Variants in PNOC observed in about 807,000 individuals in gnomAD.
PNOC encodes the protein nociceptin.
Under a neutral mutation model 15.6 loss-of-function variants are expected in PNOC, and 10 were observed. The ratio of observed to expected loss-of-function variants is 0.64; its 90% confidence interval spans 0.40 to 1.09. PNOC has a LOEUF of 1.09. PNOC is among the 50% of genes least tolerant of loss of function. The pLI, the probability that PNOC is intolerant of heterozygous loss-of-function variation, is 0.01. For synonymous variants in PNOC, 98 were observed against 88.5 expected (o/e 1.11, Z -0.60); for missense variants, 220 against 223.9 (o/e 0.98, Z 0.11).
At position 28,330,391 on chromosome 8, in the gene PNOC, A is replaced by ATTTTTTTTTTT. The variant is rs200641227; in HGVS notation, c.126+1112_126+1113insTTTTTTTTTTT. On this transcript the variant is annotated intron_variant, in intron 2 of 3. Transcript: ENST00000301908. The stretch of plus-strand genomic sequence containing the variant: ...ATTTTATTTTATTTTATTTTATTTT[A>ATTTTTTTTTTT]TTTTATTTTTTTTTTTTTTTTGAGA... Among the ~76,000 whole-genome samples, 50 of 76,098 alleles carry ATTTTTTTTTTT rather than the reference A, an allele frequency of 6.6e-4. 1 individual carries two copies. The highest frequency in any genetic ancestry group is 1.0e-3 in the Non-Finnish European group (36 of 34,522). The allele number at this position is 76,098 out of a possible 152,430, so 49.9% of individuals were successfully genotyped here.
intron 1 of PNOC, among the ~76,000 whole-genome samples, chr8:28,321,960 C>T (rs1407462003): frequency 1.3e-5 from 2 of 152,196 alleles, no homozygotes; most frequent in African/African-American, 4.8e-5. Context: ...CAAGCATAAG[C>T]TCCATTGTAG....
At chr8:28,341,946 A>C (rs1353387316) in intron 3 of PNOC, among the ~76,000 whole-genome samples, 1 of 151,842 alleles carries the variant, frequency 6.6e-6, no homozygotes, top group Non-Finnish European at 1.5e-5. Context: ...ATCTTGGGGG[A>C]CTCTTGTTAC....
intron 2 of PNOC, among the ~76,000 whole-genome samples, chr8:28,337,124 C>T (rs943961726): frequency 6.6e-6 from 1 of 152,162 alleles, no homozygotes; most frequent in Non-Finnish European, 1.5e-5. Context: ...CTCTGCCAGT[C>T]GGCAGCTTCT....
At chr8:28,322,434 A>T (rs1278380628) in intron 1 of PNOC, among the ~76,000 whole-genome samples, 1 of 152,180 alleles carries the variant, frequency 6.6e-6, no homozygotes, top group Non-Finnish European at 1.5e-5. Context: ...GGTTGTCATC[A>T]GACAGGGAGT....
rs7821014 is a variant in PNOC at position 28,320,866 on chromosome 8, A to G, written c.-24+3550A>G. ...ACTCCATCTCAAAAAAAAAAAAAAA[A>G]AAGAAGAAGAAGTTTGAAGATTGTT... On this transcript the variant is annotated intron_variant, in intron 1 of 3. Coordinates refer to ENST00000301908, the MANE Select transcript of PNOC (RefSeq NM_006228.5). Among the ~76,000 whole-genome samples, 638 of 151,934 alleles carry G rather than the reference A, an allele frequency of 4.2e-3. 7 individuals carry two copies. The highest frequency in any genetic ancestry group is 0.017 in the East Asian group (88 of 5,164).
Position 28,320,096 on chromosome 8 carries a change from T to C in PNOC, c.-24+2780T>C, listed in dbSNP as rs866684817. ...TGTTTCTTTCTTTCTTTCTTTCTTTTTTTTTTTTTTTTTTTTTTTTTTTTT... is the reference window on the plus strand; with the variant it reads ...TGTTTCTTTCTTTCTTTCTTTCTTTCTTTTTTTTTTTTTTTTTTTTTTTTT... On this transcript the variant is annotated intron_variant, in intron 1 of 3. Transcript: ENST00000301908. Among the ~76,000 whole-genome samples the C allele has an allele frequency of 2.4e-4, 21 of 89,220 alleles. 1 individual carries two copies. The highest frequency in any genetic ancestry group is 1.4e-3 in the East Asian group (4 of 2,940). The allele number at this position is 89,220 out of a possible 152,430, so 58.5% of individuals were successfully genotyped here.
At position 28,329,051 on chromosome 8, in the gene PNOC, C is replaced by CT. The variant is rs747062481; in HGVS notation, c.-23-83dup. 59 of 1,345,592 alleles carry CT rather than the reference C, an allele frequency of 4.4e-5. 1 individual carries two copies. The highest frequency in any genetic ancestry group is 6.1e-5 in the Non-Finnish European group (58 of 957,678). 83.4% of individuals were successfully genotyped at this position (1,345,592 alleles called of 1,614,324 possible). ...CAGAGACAGCAGAGAAGTGTCTTTC[C>CT]TGCATTCTCTGGGTTAGGTCTCTGG... is the stretch of plus-strand genomic sequence containing the variant. On this transcript the variant is annotated intron_variant, in intron 1 of 3. Coordinates refer to ENST00000301908, the MANE Select transcript of PNOC (RefSeq NM_006228.5).
At chr8:28,329,112 G>A (rs764393234) in intron 1 of PNOC, 23 bp from the exon 2 acceptor site, 3 of 1,609,768 alleles carry the variant, frequency 1.9e-6, no homozygotes, top group Non-Finnish European at 2.5e-6. Context: ...TGTACTCATT[G>A]CCATGCTTCC....
rs188309257 is a variant in PNOC at position 28,342,302 on chromosome 8, G to A, written c.*48-640G>A. ...CAGGAGGCGGAGGTTGCAGTGAGCC[G>A]AGATTGTGCACATTGCACTCCAGCC... On this transcript the variant is annotated intron_variant, in intron 3 of 3. Coordinates refer to ENST00000301908, the MANE Select transcript of PNOC (RefSeq NM_006228.5). Among the ~76,000 whole-genome samples, 50 of 144,320 alleles carry A rather than the reference G, an allele frequency of 3.5e-4. No individual in the cohort carries two copies. The East Asian group carries it at 9.2e-3, about 27-fold the overall frequency. 94.7% of individuals were successfully genotyped at this position (144,320 alleles called of 152,430 possible).
intron 2 of PNOC, chr8:28,338,781 C>A: frequency 8.3e-7 from 1 of 1,200,746 alleles, no homozygotes; most frequent in Non-Finnish European, 1.0e-6. Flanking sequence ...CGTGCTGTGA[C>A]ACCAGAGGTA....
chr8:28,320,756 C>T (rs949999095), intron 1 of PNOC, among the ~76,000 whole-genome samples: 1 of 150,210 alleles, frequency 6.7e-6, no homozygotes, highest in African/African-American at 2.5e-5. Flanking sequence ...GAGGCTGAGG[C>T]AGGAGAATGG....
intron 2 of PNOC, among the ~76,000 whole-genome samples, chr8:28,330,682 G>A (rs1182011445): frequency 1.0e-4 from 15 of 150,480 alleles, no homozygotes; most frequent in Admixed American, 5.3e-4. Context: ...ATTTACAGGC[G>A]TGAGCCACCA....
At chr8:28,331,312 T>C (rs1789630467) in intron 2 of PNOC, among the ~76,000 whole-genome samples, 1 of 152,226 alleles carries the variant, frequency 6.6e-6, no homozygotes, top group Non-Finnish European at 1.5e-5. Flanking sequence ...TCATCCACCG[T>C]GTTTCTCTCT....
intron 1 of PNOC, among the ~76,000 whole-genome samples, chr8:28,317,873 C>A (rs558646422): frequency 2.6e-5 from 4 of 152,262 alleles, no homozygotes; most frequent in African/African-American, 9.6e-5. Flanking sequence ...GCAGAAATTG[C>A]TACAAATAAT....
intron 1 of PNOC, among the ~76,000 whole-genome samples, chr8:28,318,050 A>T (rs554183724): frequency 6.6e-6 from 1 of 151,666 alleles, no homozygotes; most frequent in Non-Finnish European, 1.5e-5. Context: ...CCCCCTGCCC[A>T]TCTCCCCCAC....
intron 1 of PNOC, among the ~76,000 whole-genome samples, chr8:28,324,652 T>C (rs1211173578): frequency 6.6e-6 from 1 of 152,114 alleles, no homozygotes; most frequent in Non-Finnish European, 1.5e-5. Context: ...TCACCTGAGG[T>C]CAGGAGTTCG....
At chr8:28,319,917 G>A (rs1340003305) in intron 1 of PNOC, among the ~76,000 whole-genome samples, 1 of 152,040 alleles carries the variant, frequency 6.6e-6, no homozygotes, top group Non-Finnish European at 1.5e-5. Context: ...AAATCCCACA[G>A]TCGAACATAA....
chr8:28,337,749 A>AT (rs34374836), intron 2 of PNOC, among the ~76,000 whole-genome samples: 57,257 of 139,882 alleles, frequency 0.41, 12,060 homozygotes, highest in Middle Eastern at 0.51. Context: ...CGCCCAGCTA[A>AT]TTTTTTTTTT....
At chr8:28,322,017 C>T (rs542652112) in intron 1 of PNOC, among the ~76,000 whole-genome samples, 1 of 152,274 alleles carries the variant, frequency 6.6e-6, no homozygotes, top group East Asian at 1.9e-4. Context: ...CGGGAAGACC[C>T]ACCTATCTTC....
Sources: allele counts gnomAD v4.1 joint callset (sites outside exome capture counted in the v4.1 genomes callset), GRCh38; gene constraint gnomAD v4.1.1; transcripts MANE v1.5; gene names NCBI Gene and HGNC (gene_info 2026-07-23, HGNC 2026-07-21).